SIAH2: variants seen among roughly 807,000 people sequenced by gnomAD.
The protein encoded by SIAH2 is E3 ubiquitin-protein ligase SIAH2.
In SIAH2, 4 loss-of-function variants were observed where a neutral mutation model predicts 20.4. The ratio of observed to expected loss-of-function variants is 0.20; its 90% confidence interval spans 0.10 to 0.45. SIAH2 has a LOEUF of 0.45. Ranked by LOEUF, SIAH2 falls within the 20% of genes least tolerant of loss-of-function variation. SIAH2 has a pLI of 0.99. For synonymous variants in SIAH2, 171 were observed against 192.5 expected (o/e 0.89, Z 0.93); for missense variants, 259 against 440.3 (o/e 0.59, Z 3.69).
chr3:150,753,343 G>A (rs538149370), intron 1 of SIAH2, among the ~76,000 whole-genome samples: 3 of 152,136 alleles, frequency 2.0e-5, no homozygotes, highest in African/African-American at 4.8e-5. Flanking sequence ...GGTCAGCAGC[G>A]GCCAACTCTG....
intron 1 of SIAH2, among the ~76,000 whole-genome samples, chr3:150,753,565 A>G (rs909464697): frequency 6.6e-6 from 1 of 152,212 alleles, no homozygotes; most frequent in African/African-American, 2.4e-5. Context: ...AGGAAGCTGA[A>G]GCCGAATCAC....
rs1404069110 is a variant in SIAH2 at position 150,762,366 on chromosome 3, G to A, written c.417+67C>T. The A allele has an allele frequency of 1.3e-6, 2 of 1,528,356 alleles. No individual in the cohort carries two copies. The highest frequency in any genetic ancestry group is 1.4e-5 in the African/African-American group (1 of 71,440). The allele number at this position is 1,528,356 out of a possible 1,614,324, so 94.7% of individuals were successfully genotyped here. A position where few individuals can be genotyped will look rare whatever the true frequency, so the allele number is the denominator to read the frequency against. On this transcript the variant is annotated intron_variant, in intron 1 of 1. Coordinates refer to ENST00000312960, the MANE Select transcript of SIAH2 (RefSeq NM_005067.7). The surrounding 1 kb of genome is among the most constrained non-coding windows in gnomAD (Gnocchi z 6.6). ...GCCGCCCGCCTCTCCGGGCCTGCGAGTGGGCTGGCGGATACCGGAGTCCCT... is the reference window on the plus strand; with the variant it reads ...GCCGCCCGCCTCTCCGGGCCTGCGAATGGGCTGGCGGATACCGGAGTCCCT...
chr3:150,744,440 AACTC>A (rs1440473337), intron 1 of SIAH2, among the ~76,000 whole-genome samples: 1 of 152,232 alleles, frequency 6.6e-6, no homozygotes, highest in East Asian at 1.9e-4. Flanking sequence ...GCTGTAAAAA[AACTC>A]ACTCAGGAGA....
chr3:150,747,238 C>T (rs1044583359), intron 1 of SIAH2, among the ~76,000 whole-genome samples: 3 of 152,166 alleles, frequency 2.0e-5, no homozygotes, highest in African/African-American at 7.2e-5. Context: ...GAAAAACAGC[C>T]CTGAAAGTGC....
At chr3:150,746,414 C>A (rs1194842293) in intron 1 of SIAH2, among the ~76,000 whole-genome samples, 1 of 151,946 alleles carries the variant, frequency 6.6e-6, no homozygotes, top group East Asian at 1.9e-4. Context: ...AACAAACAAA[C>A]AAACAAACAA....
intron 1 of SIAH2, among the ~76,000 whole-genome samples, chr3:150,759,403 C>G (rs1304124517): frequency 2.0e-5 from 3 of 152,168 alleles, no homozygotes; most frequent in Admixed American, 2.0e-4. Flanking sequence ...TACAAAATTC[C>G]TGCCAATGAA....
Position 150,762,562 on chromosome 3 carries a change from G to A in SIAH2, c.288C>T (p.Ala96=), listed in dbSNP as rs1287299046. ...GGCATTGGTTACACACCAGGTGCCC[G>A]GCCTGGCACTGCAGAATAGGAGGCA... ...YVLPPILQCQ[A]GHLVCNQCRQ... is the part of the protein sequence containing the mutation. Residue 96 remains alanine (A), a synonymous_variant, in exon 1 of 2, where the codon GCC becomes GCT. Coordinates refer to ENST00000312960, the MANE Select transcript of SIAH2 (RefSeq NM_005067.7). The surrounding 1 kb of genome is among the most constrained non-coding windows in gnomAD (Gnocchi z 6.6). The A allele has an allele frequency of 3.7e-6, 6 of 1,613,490 alleles. No individual in the cohort carries two copies. Among genetic ancestry groups the A allele is most frequent in the East Asian group, 2.2e-5 (1 of 44,840 alleles).
At position 150,748,217 on chromosome 3, in the gene SIAH2, A is replaced by G. The variant is rs1160744492; in HGVS notation, c.418-5519T>C. On this transcript the variant is annotated intron_variant, in intron 1 of 1. Transcript: ENST00000312960. ...GGTGTGGGGTTTGAAGGTTGTATTT[A>G]AGTTGGAATTTAGGCAGGGTTTTTC... Among the ~76,000 whole-genome samples the G allele has an allele frequency of 2.0e-5, 3 of 152,138 alleles. No homozygotes were observed. In the East Asian group the frequency reaches 5.8e-4, roughly 29 times the overall value.
At chr3:150,747,371 G>A (rs1161398028) in intron 1 of SIAH2, among the ~76,000 whole-genome samples, 2 of 152,220 alleles carry the variant, frequency 1.3e-5, no homozygotes, top group African/African-American at 2.4e-5. Context: ...GCTAGGGCTT[G>A]CCCCACAAAA....
chr3:150,758,178 C>T (rs911150016), intron 1 of SIAH2, among the ~76,000 whole-genome samples: 1 of 151,946 alleles, frequency 6.6e-6, no homozygotes, highest in African/African-American at 2.4e-5. Flanking sequence ...TTTTAAGGAA[C>T]ACAGACATTG....
Position 150,742,714 on chromosome 3 carries a change from T to C in SIAH2, c.418-16A>G. On this transcript the variant is annotated splice_polypyrimidine_tract_variant and intron_variant, in intron 1 of 1. Coordinates refer to ENST00000312960, the MANE Select transcript of SIAH2 (RefSeq NM_005067.7). The surrounding 1 kb of genome is among the most constrained non-coding windows in gnomAD (Gnocchi z 4.8). ...TGGTGGCATACTGCAAAGAAAGAAA[T>C]GCATTGAGCCATTGGGCCTTCTCAA... The C allele has an allele frequency of 6.6e-7, 1 of 1,519,390 alleles. No homozygotes were observed. The highest frequency in any genetic ancestry group is 8.8e-7 in the Non-Finnish European group (1 of 1,134,330). 94.1% of individuals were successfully genotyped at this position (1,519,390 alleles called of 1,614,324 possible).
At chr3:150,743,135 CAA>C (rs1224791194) in intron 1 of SIAH2, among the ~76,000 whole-genome samples, 1 of 152,208 alleles carries the variant, frequency 6.6e-6, no homozygotes, top group East Asian at 1.9e-4. Flanking sequence ...CACATATAGA[CAA>C]TATTAACAAC....
At chr3:150,755,674 C>T (rs1323468287) in intron 1 of SIAH2, among the ~76,000 whole-genome samples, 4 of 152,072 alleles carry the variant, frequency 2.6e-5, no homozygotes, top group East Asian at 1.9e-4. Flanking sequence ...TGCGCCACCA[C>T]GCCTGGCTAA....
intron 1 of SIAH2, among the ~76,000 whole-genome samples, chr3:150,747,718 A>T (rs1420872672): frequency 6.6e-6 from 1 of 152,060 alleles, no homozygotes; most frequent in Non-Finnish European, 1.5e-5. Context: ...AGTCGGGTGG[A>T]TCACCTGAGG....
chr3:150,756,310 G>A (rs1714483934), intron 1 of SIAH2, among the ~76,000 whole-genome samples: 1 of 152,184 alleles, frequency 6.6e-6, no homozygotes, highest in South Asian at 2.1e-4. Context: ...TCCAAATGCT[G>A]GCACTGGTAC....
At position 150,762,160 on chromosome 3, in the gene SIAH2, G is replaced by T; in HGVS notation, c.417+273C>A. 4.1e-6 allele frequency: 2 copies of T among 490,564 alleles called. No homozygotes were observed. The highest frequency in any genetic ancestry group is 6.9e-6 in the Non-Finnish European group (2 of 291,518). The allele number at this position is 490,564 out of a possible 1,614,324, so 30.4% of individuals were successfully genotyped here. ...ACCCGAATACACGTCTGCAGAGGAC[G>T]CGGGCATTGGGCCGGGTGAGCTACG... On this transcript the variant is annotated intron_variant, in intron 1 of 1. Coordinates refer to ENST00000312960, the MANE Select transcript of SIAH2 (RefSeq NM_005067.7). This position sits in a 1 kb window ranked among gnomAD's most constrained non-coding sequence, Gnocchi z 6.6.
chr3:150,762,713 G>A lies in SIAH2; in HGVS notation c.137C>T (p.Ser46Phe). ...CACCGCCGCCGCGGCGGGCACCGCG[G>A]ACGAGCCGGGGCCCGCAGCCGAGAT... Reference protein sequence around the residue: ...ATISAAGPGSSAVPAAAAVIS... With the variant: ...ATISAAGPGSFAVPAAAAVIS... The change falls in exon 1 of 2, where the codon TCC becomes TTC. Residue 46 changes from serine to phenylalanine, a missense_variant. Ser to Phe is a radical substitution (Grantham distance 155). Coordinates refer to ENST00000312960, the MANE Select transcript of SIAH2 (RefSeq NM_005067.7). This position sits in a 1 kb window ranked among gnomAD's most constrained non-coding sequence, Gnocchi z 6.6. The A allele has an allele frequency of 8.2e-7, 1 of 1,221,858 alleles. No individual in the cohort carries two copies. Among genetic ancestry groups the A allele is most frequent in the Non-Finnish European group, 1.0e-6 (1 of 978,178 alleles). The allele number at this position is 1,221,858 out of a possible 1,614,324, so 75.7% of individuals were successfully genotyped here.
Position 150,742,086 on chromosome 3 carries a change from T to G in SIAH2, c.*55A>C. 6.8e-7 allele frequency: 1 copy of G among 1,477,540 alleles called. No individual in the cohort carries two copies. The highest frequency in any genetic ancestry group is 9.2e-7 in the Non-Finnish European group (1 of 1,088,688). 91.5% of individuals were successfully genotyped at this position (1,477,540 alleles called of 1,614,324 possible). A position where few individuals can be genotyped will look rare whatever the true frequency, so the allele number is the denominator to read the frequency against. On this transcript the variant is annotated 3_prime_UTR_variant, in exon 2 of 2. Coordinates refer to ENST00000312960, the MANE Select transcript of SIAH2 (RefSeq NM_005067.7). The surrounding 1 kb of genome is among the most constrained non-coding windows in gnomAD (Gnocchi z 4.8). ...TGGAATAAAACATCTATAAAAACCT[T>G]TATTAAACATAGAGCACTATGCCCA...
chr3:150,745,382 C>G (rs1031094827), intron 1 of SIAH2, among the ~76,000 whole-genome samples: 2 of 152,046 alleles, frequency 1.3e-5, no homozygotes, highest in Admixed American at 6.6e-5. Flanking sequence ...TCCAGGGATC[C>G]GAGGGAGGAC....
Sources: allele counts gnomAD v4.1 joint callset (sites outside exome capture counted in the v4.1 genomes callset), GRCh38; gene constraint gnomAD v4.1.1; non-coding constraint Gnocchi (gnomAD v3.1); transcripts MANE v1.5; gene names NCBI Gene and HGNC (gene_info 2026-07-23, HGNC 2026-07-21).